Variants in ULK4 observed in about 807,000 individuals in gnomAD.
ULK4 encodes the protein unc-51 like kinase 4.
In ULK4, 133 loss-of-function variants were observed where a neutral mutation model predicts 160.6. The ratio of observed to expected loss-of-function variants is 0.83; its 90% CI spans 0.72 to 0.96. The LOEUF (loss-of-function observed/expected upper bound fraction) is 0.96. Among genes scored for constraint, ULK4 ranks in the 40% least tolerant of loss-of-function variants. The pLI is 0.00. For missense variants in ULK4, 1,580 were observed against 1,499.5 expected (o/e 1.05, Z -0.89); for synonymous variants, 534 against 539.8 (o/e 0.99, Z 0.15).
At chr3:41,479,842 T>C (rs933677941) in intron 32 of ULK4, among the ~76,000 whole-genome samples, 6 of 152,100 alleles carry the variant, frequency 3.9e-5, no homozygotes, top group Admixed American at 6.6e-5. Context: ...ATAGACAAAT[T>C]CCTATTTTTC....
chr3:41,586,722 T>C (rs1480913487), intron 31 of ULK4, among the ~76,000 whole-genome samples: 1 of 152,118 alleles, frequency 6.6e-6, no homozygotes, highest in Non-Finnish European at 1.5e-5. Context: ...TATGAGAATG[T>C]AGTCTGTGGG....
At chr3:41,415,133 G>C (rs539029903) in intron 34 of ULK4, among the ~76,000 whole-genome samples, 1 of 152,066 alleles carries the variant, frequency 6.6e-6, no homozygotes, top group Admixed American at 6.5e-5. Flanking sequence ...CAAAAGAAGC[G>C]GAAAGCATCA....
chr3:41,834,546 C>T (rs2041697175), intron 18 of ULK4, among the ~76,000 whole-genome samples: 1 of 152,184 alleles, frequency 6.6e-6, no homozygotes, highest in African/African-American at 2.4e-5. Flanking sequence ...AAGACACTCA[C>T]AAAAACAAAG....
intron 35 of ULK4, among the ~76,000 whole-genome samples, chr3:41,279,255 T>TAAAAAGA (rs2079296692): frequency 2.3e-5 from 1 of 43,074 alleles, no homozygotes; most frequent in African/African-American, 1.2e-4. Context: ...AAAAAAAGAG[T>TAAAAAGA]AAAAAAAAAA....
rs372352959 is a variant in ULK4, at chr3:41,460,433, T to C, written c.3393+2654A>G. 1.7e-4 allele frequency among the ~76,000 whole-genome samples: 26 copies of C among 152,320 alleles called. 1 individual carries two copies. The South Asian group carries it at 5.0e-3, about 29-fold the overall frequency. On this transcript the variant is annotated intron_variant, in intron 33 of 36. Coordinates refer to ENST00000301831, the MANE Select transcript of ULK4 (RefSeq NM_017886.4). The stretch of plus-strand genomic sequence containing the variant: ...CTTTCAATTGCTGCATTTTCACACA[T>C]GCAATAAGATGACGACTTGCTTCAT...
chr3:41,656,059 T>C (rs2125748084), intron 30 of ULK4, among the ~76,000 whole-genome samples: 1 of 152,308 alleles, frequency 6.6e-6, no homozygotes, highest in South Asian at 2.1e-4. Context: ...TTTCTGCTAT[T>C]GAAAAACTTT....
chr3:41,803,698 A>G lies in ULK4; in HGVS notation c.1849-3405T>C, dbSNP rs370735120. 3.5e-4 allele frequency among the ~76,000 whole-genome samples: 53 copies of G among 151,802 alleles called. No individual in the cohort carries two copies. In the East Asian group the frequency reaches 9.3e-3, roughly 27 times the overall value. On this transcript the variant is annotated intron_variant, in intron 19 of 36. Transcript: ENST00000301831. ...CCCCTTCCTGTGTCCATGTGTTCTC[A>G]TTGTTCAATTCCCACCTATGAGTGA...
intron 16 of ULK4, among the ~76,000 whole-genome samples, chr3:41,891,899 C>T (rs1343413193): frequency 2.0e-5 from 3 of 151,934 alleles, no homozygotes; most frequent in Admixed American, 6.6e-5. Flanking sequence ...AGCGAGACTC[C>T]GTCTCAAACA....
chr3:41,290,460 A>T (rs779612557), intron 35 of ULK4, among the ~76,000 whole-genome samples: 1 of 152,166 alleles, frequency 6.6e-6, no homozygotes, highest in Non-Finnish European at 1.5e-5. Context: ...GTCTGGCTTC[A>T]AAGCCCCTGC....
chr3:41,643,572 C>T (rs997103782), intron 30 of ULK4, among the ~76,000 whole-genome samples: 2 of 152,118 alleles, frequency 1.3e-5, no homozygotes, highest in African/African-American at 4.8e-5. Flanking sequence ...GGTACCAGTA[C>T]CGTGCTGTTT....
chr3:41,831,854 C>T (rs2125648272), intron 18 of ULK4, among the ~76,000 whole-genome samples: 1 of 152,180 alleles, frequency 6.6e-6, no homozygotes, highest in Non-Finnish European at 1.5e-5. Flanking sequence ...CCAGCTTCAC[C>T]CATGGCCCTG....
At chr3:41,680,651 A>T (rs933342502) in intron 29 of ULK4, among the ~76,000 whole-genome samples, 43 of 152,060 alleles carry the variant, frequency 2.8e-4, no homozygotes, top group Admixed American at 8.5e-4. Flanking sequence ...ATGATCATTA[A>T]TTTTTTTTAA....
chr3:41,822,877 A>T (rs916965193), intron 18 of ULK4, among the ~76,000 whole-genome samples: 3 of 151,182 alleles, frequency 2.0e-5, no homozygotes, highest in Non-Finnish European at 2.9e-5. Context: ...GCCCACCACC[A>T]CACCCGGCTA....
intron 1 of ULK4, among the ~76,000 whole-genome samples, chr3:41,956,909 TA>T (rs1261054068): frequency 1.3e-5 from 2 of 152,248 alleles, no homozygotes; most frequent in Admixed American, 6.5e-5. Flanking sequence ...TCCCTTTATT[TA>T]AAAAAGTTTG....
chr3:41,588,117 T>C (rs1403138508), intron 31 of ULK4, among the ~76,000 whole-genome samples: 1 of 151,934 alleles, frequency 6.6e-6, no homozygotes, highest in Admixed American at 6.6e-5. Flanking sequence ...CAGTGAAAGG[T>C]GCCACAATAG....
At chr3:41,519,353 C>T (rs1445331558) in intron 32 of ULK4, among the ~76,000 whole-genome samples, 1 of 152,222 alleles carries the variant, frequency 6.6e-6, no homozygotes, top group African/African-American at 2.4e-5. Flanking sequence ...ACCAAACATC[C>T]TAGCATCTTC....
intron 34 of ULK4, among the ~76,000 whole-genome samples, chr3:41,403,637 A>T (rs2082229953): frequency 6.6e-6 from 1 of 151,790 alleles, no homozygotes; most frequent in African/African-American, 2.4e-5. Flanking sequence ...CTTGTTTTGG[A>T]TTAGCTTTGC....
intron 35 of ULK4, among the ~76,000 whole-genome samples, chr3:41,289,837 ATG>A (rs2079525735): frequency 6.6e-6 from 1 of 151,378 alleles, no homozygotes; most frequent in Non-Finnish European, 1.5e-5. Flanking sequence ...GTATGTATGT[ATG>A]TATGTATGTA....
intron 17 of ULK4, among the ~76,000 whole-genome samples, chr3:41,844,017 C>T (rs1438650255): frequency 1.3e-5 from 2 of 152,166 alleles, no homozygotes; most frequent in African/African-American, 4.8e-5. Context: ...GAGTTAGACA[C>T]AGGGTGCTGA....
Sources: gnomAD v4.1 joint callset for allele counts (sites outside exome capture counted in the v4.1 genomes callset) on GRCh38, gnomAD v4.1.1 for gene constraint, MANE v1.5 for transcripts, NCBI Gene and HGNC (gene_info 2026-07-23, HGNC 2026-07-21) for gene names.